Variants in FBN3 observed in about 807,000 individuals in gnomAD.
FBN3 encodes the protein fibrillin 3.
A neutral mutation model predicts 330.1 loss-of-function variants in FBN3; 234 were observed. That is an observed-to-expected ratio of 0.71 (90% CI 0.64 to 0.79). FBN3 has a LOEUF of 0.79. Among genes scored for constraint, FBN3 ranks in the 30% least tolerant of loss-of-function variants. The pLI is 0.00. For missense variants in FBN3, 3,606 were observed against 3,886.9 expected, an observed-to-expected ratio of 0.93 and a Z score of 1.92; for synonymous variants, 1,458 against 1,517.3, an observed-to-expected ratio of 0.96 and a Z score of 0.91.
At position 8,141,722 on chromosome 19, in the gene FBN3, C is replaced by G; in HGVS notation, c.860G>C (p.Cys287Ser). 6.2e-7 allele frequency: 1 copy of G among 1,612,584 alleles called. No individual in the cohort carries two copies. The highest frequency in any genetic ancestry group is 1.1e-5 in the South Asian group (1 of 90,876). The change falls in exon 8 of 64, where the codon TGT becomes TCT. Residue 287 changes from cysteine to serine, a missense_variant. Transcript: ENST00000600128. ...GHRLSDSSAACEDYRAGACFS... is the reference protein window; with the variant it reads ...GHRLSDSSAASEDYRAGACFS... ...GTCCCCCTCCAGTCACCCACCTTCA[C>G]ATGCGGCGCTGCTGTCACTGAGCCG...
At chr19:8,079,590 T>C (rs1267494719) in intron 59 of FBN3, among the ~76,000 whole-genome samples, 1 of 22,264 alleles carries the variant, frequency 4.5e-5, no homozygotes, top group African/African-American at 7.4e-4. Flanking sequence ...ATTCTGTTAA[T>C]TGTTTGTTTG....
intron 40 of FBN3, 92 bp from the exon 41 acceptor site, chr19:8,101,064 AGCCCTCACCTG>A: frequency 1.0e-6 from 1 of 994,702 alleles, no homozygotes; most frequent in South Asian, 1.5e-5. Flanking sequence ...CCTGGAGCCC[AGCCCTCACCTG>A]GCCACCTTGA....
At chr19:8,148,929 C>A (rs1042343552) in intron 1 of FBN3, 2 of 153,152 alleles carry the variant, frequency 1.3e-5, no homozygotes, top group African/African-American at 4.8e-5. Flanking sequence ...TCCGCCCCAG[C>A]CCCCTGCCTC....
In FBN3 at chr19:8,109,386, T is replaced by A. The variant is rs776187218; in HGVS notation, c.4459A>T (p.Thr1487Ser). ...LNPSGVGCVDTRAGNCFLETH... is the reference protein window; with the variant it reads ...LNPSGVGCVDSRAGNCFLETH... ...TCCAGGAAACAGTTCCCGGCCCGAG[T>A]GTCTGAACAGGCAGAAGGGGATGGT... is the stretch of plus-strand genomic sequence containing the variant. The change falls in exon 36 of 64, where the codon ACT becomes TCT. Residue 1487 changes from threonine (T) to serine (S), a missense_variant and splice_region_variant. Physicochemically the swap from Thr to Ser is moderately conservative, Grantham distance 58 (BLOSUM62 1). Transcript: ENST00000600128. This position sits in a 1 kb window ranked among gnomAD's most constrained non-coding sequence, Gnocchi z 5.2. 1 of 1,613,954 alleles carries A rather than the reference T, an allele frequency of 6.2e-7. No homozygotes were observed. Among genetic ancestry groups the A allele is most frequent in the South Asian group, 1.1e-5 (1 of 91,066 alleles).
In FBN3 at chr19:8,065,705, C is replaced by T; in HGVS notation, c.*214G>A. 1.8e-6 allele frequency: 1 copy of T among 549,306 alleles called. No homozygotes were observed. 34.0% of individuals were successfully genotyped at this position (549,306 alleles called of 1,614,324 possible). On this transcript the variant is annotated 3_prime_UTR_variant, in exon 64 of 64. Transcript: ENST00000600128. ...GGGGATTGCACATTGCAGCTTCTTGCTGTCTCCAGGAAAGACTGAGTAACT... is the reference window on the plus strand; with the variant it reads ...GGGGATTGCACATTGCAGCTTCTTGTTGTCTCCAGGAAAGACTGAGTAACT...
intron 63 of FBN3, among the ~76,000 whole-genome samples, chr19:8,068,571 A>G (rs548695491): frequency 3.6e-4 from 54 of 151,728 alleles, no homozygotes; most frequent in African/African-American, 1.3e-3. Context: ...GTGGTGGTAC[A>G]TGTACCTGTG....
At position 8,065,901 on chromosome 19, in the gene FBN3, C is replaced by T. The variant is rs544248309; in HGVS notation, c.*18G>A. 5 of 1,538,542 alleles carry T rather than the reference C, an allele frequency of 3.2e-6. No homozygotes were observed. The East Asian group carries it at 1.1e-4, about 35-fold the overall frequency. The stretch of plus-strand genomic sequence containing the variant: ...CCCCCTTCTCTGGACAGCTGGGGCC[C>T]ACTGAGGCTCCTCCCAACTAAAGCA... On this transcript the variant is annotated 3_prime_UTR_variant, in exon 64 of 64. Transcript: ENST00000600128.
intron 61 of FBN3, among the ~76,000 whole-genome samples, chr19:8,074,499 C>T (rs1045224751): frequency 1.1e-4 from 17 of 151,786 alleles, no homozygotes; most frequent in Admixed American, 3.3e-4. Context: ...GGATGGAGGC[C>T]GAGGAGAGGT....
In FBN3 at chr19:8,138,243, C is replaced by A; in HGVS notation, c.1099G>T (p.Gly367Ter). The change falls in exon 10 of 64, where the codon GGA becomes TGA. Residue 367 changes from glycine (G) to a stop codon, truncating the protein, a stop_gained. Coordinates refer to ENST00000600128, the MANE Select transcript of FBN3 (RefSeq NM_032447.5). LOFTEE classifies it high-confidence loss of function. ...PGLFPGLLGF[G>*]SNGMGPPLGP... ...AGAGGGGGACCCATGCCATTGGATC[C>A]GAAGCCCAGGAGGCCAGGGAAGAGG... 6.2e-7 allele frequency: 1 copy of A among 1,611,994 alleles called. No homozygotes were observed. Among genetic ancestry groups the A allele is most frequent in the Non-Finnish European group, 8.5e-7 (1 of 1,179,458 alleles).
chr19:8,080,596 A>G (rs989288611), intron 59 of FBN3, among the ~76,000 whole-genome samples: 1 of 152,130 alleles, frequency 6.6e-6, no homozygotes, highest in Non-Finnish European at 1.5e-5. Flanking sequence ...CCATGTCCCC[A>G]ATGTCCAATA....
rs3813775 is a variant in FBN3, at chr19:8,131,539, C to G, written c.1990+15G>C. The G allele has an allele frequency of 1.3e-5, 21 of 1,592,334 alleles. No homozygotes were observed. The highest frequency in any genetic ancestry group is 1.7e-5 in the Non-Finnish European group (20 of 1,166,948). On this transcript the variant is annotated intron_variant, in intron 15 of 63. Transcript: ENST00000600128. The surrounding 1 kb of genome is among the most constrained non-coding windows in gnomAD (Gnocchi z 4.5). ...GACCAAGGAGGCGATGGGGACCGGGCAGCCGGATGCTCACCGGAGTCTTTG... is the reference window on the plus strand; with the variant it reads ...GACCAAGGAGGCGATGGGGACCGGGGAGCCGGATGCTCACCGGAGTCTTTG...
rs1230966352 is a variant in FBN3, at chr19:8,065,721, CTG to C, written c.*196_*197del. 1.2e-5 allele frequency: 7 copies of C among 570,672 alleles called. No homozygotes were observed. The East Asian group carries it at 2.0e-4, about 17-fold the overall frequency. 35.4% of individuals were successfully genotyped at this position (570,672 alleles called of 1,614,324 possible). A position where few individuals can be genotyped will look rare whatever the true frequency, so the allele number is the denominator to read the frequency against. On this transcript the variant is annotated 3_prime_UTR_variant, in exon 64 of 64. Transcript: ENST00000600128. Reference sequence around the variant, plus strand: ...AGCTTCTTGCTGTCTCCAGGAAAGACTGAGTAACTGGGGGGCCCCCGGGGCTG... The same window carrying C: ...AGCTTCTTGCTGTCTCCAGGAAAGACAGTAACTGGGGGGCCCCCGGGGCTG...
intron 13 of FBN3, among the ~76,000 whole-genome samples, chr19:8,135,590 C>G (rs969700636): frequency 2.0e-5 from 3 of 151,362 alleles, no homozygotes; most frequent in Non-Finnish European, 2.9e-5. Flanking sequence ...TGGAGTCTCG[C>G]TCTATCAGCC....
Position 8,126,544 on chromosome 19 carries a change from C to A in FBN3, c.2478G>T (p.Gln826His). ...AGCACTCAGACCGCAGGCTGGCTCC[C>A]TGAAGGTTCACCTCACAGCGGCTCT... is the stretch of plus-strand genomic sequence containing the variant. ...IQESRCEVNL[Q>H]GASLRSECCA... is the part of the protein sequence containing the mutation. Residue 826 changes from glutamine (Q) to histidine (H), a missense_variant, in exon 20 of 64, where the codon CAG becomes CAT. Coordinates refer to ENST00000600128, the MANE Select transcript of FBN3 (RefSeq NM_032447.5). The A allele has an allele frequency of 6.2e-7, 1 of 1,612,938 alleles. No homozygotes were observed. The highest frequency in any genetic ancestry group is 2.2e-5 in the East Asian group (1 of 44,862).
chr19:8,080,456 T>C (rs1296894426), intron 59 of FBN3, among the ~76,000 whole-genome samples: 1 of 152,098 alleles, frequency 6.6e-6, no homozygotes, highest in Non-Finnish European at 1.5e-5. Flanking sequence ...AGCAGGGACT[T>C]GTCAGGGGGA....
chr19:8,130,631 A>AGGAAGGAAGGAAGGAAGGAAGG (rs752885365), intron 16 of FBN3, among the ~76,000 whole-genome samples: 1 of 15,864 alleles, frequency 6.3e-5, no homozygotes, highest in Non-Finnish European at 1.2e-4. Flanking sequence ...AAAGAAAGAA[A>AGGAAGGAAGGAAGGAAGGAAGG]GAAAGAAAGA....
At chr19:8,135,936 G>GGGGGGGGGGGGGGGGCCCCCCCC in intron 13 of FBN3, 25 bp downstream of exon 13, 45 of 668,628 alleles carry the variant, frequency 6.7e-5, no homozygotes, top group East Asian at 1.2e-4. Flanking sequence ...GGAAGCCCCT[G>GGGGGGGGGGGGGGGGCCCCCCCC]CCCACCCGCC....
At chr19:8,133,699 G>A (rs4804273) in intron 13 of FBN3, among the ~76,000 whole-genome samples, 18,981 of 151,768 alleles carry the variant, frequency 0.13, 1,440 homozygotes, top group South Asian at 0.15. Context: ...TGATAAGCCC[G>A]CCTCGTCCTC....
At chr19:8,079,657 C>A (rs1319490062) in intron 59 of FBN3, among the ~76,000 whole-genome samples, 2 of 152,168 alleles carry the variant, frequency 1.3e-5, no homozygotes, top group Non-Finnish European at 2.9e-5. Context: ...CTGGCACGAT[C>A]TCGGCTCACT....
Sources: allele counts gnomAD v4.1 joint callset (sites outside exome capture counted in the v4.1 genomes callset), GRCh38; gene constraint gnomAD v4.1.1; non-coding constraint Gnocchi (gnomAD v3.1); transcripts MANE v1.5; gene names NCBI Gene and HGNC (gene_info 2026-07-23, HGNC 2026-07-21).